Variants in ELL observed in about 807,000 individuals in gnomAD.
ELL encodes elongation factor for RNA polymerase II, also known as RNA polymerase II elongation factor ELL.
In ELL, 18 loss-of-function variants were observed where a neutral mutation model predicts 64.0. The observed-to-expected ratio is 0.28, with a 90% CI of 0.19 to 0.42. The LOEUF (loss-of-function observed/expected upper bound fraction) is 0.42. ELL is among the 10% of genes least tolerant of loss of function. ELL has a pLI of 1.00. For synonymous variants in ELL, 399 were observed against 376.2 expected, an observed-to-expected ratio of 1.06 and a Z score of -0.70; for missense variants, 797 against 870.4, an observed-to-expected ratio of 0.92 and a Z score of 1.06.
chr19:18,507,794 A>G (rs544475736), intron 1 of ELL, among the ~76,000 whole-genome samples: 4 of 152,332 alleles, frequency 2.6e-5, no homozygotes, highest in African/African-American at 7.2e-5. Context: ...GCTGAGGCTC[A>G]GCTCAGAGAC....
chr19:18,472,600 G>A, intron 2 of ELL: 2 of 531,382 alleles, frequency 3.8e-6, no homozygotes, highest in Non-Finnish European at 6.6e-6. Flanking sequence ...CATGAAGGGA[G>A]CCACTGGGAG....
At chr19:18,461,964 GCAC>G in intron 4 of ELL, 112 bp from the exon 5 acceptor site, 8 of 1,356,002 alleles carry the variant, frequency 5.9e-6, no homozygotes, top group Non-Finnish European at 7.0e-6. Context: ...CTGGTGGGAG[GCAC>G]CACACCAACC....
At chr19:18,471,945 C>T (rs545403199) in intron 2 of ELL, among the ~76,000 whole-genome samples, 114 of 152,124 alleles carry the variant, frequency 7.5e-4, no homozygotes, top group South Asian at 7.5e-3. Flanking sequence ...CGACTAGTTT[C>T]GTGGAAGACA....
At chr19:18,472,474 G>A in intron 2 of ELL, 1 of 276,588 alleles carries the variant, frequency 3.6e-6, no homozygotes, top group East Asian at 6.7e-5. Context: ...AGCTCAGGTG[G>A]TCGTGCTCAC....
At chr19:18,461,305 GCAGA>G (rs1293524062) in intron 5 of ELL, among the ~76,000 whole-genome samples, 2 of 152,230 alleles carry the variant, frequency 1.3e-5, no homozygotes, top group African/African-American at 4.8e-5. Flanking sequence ...CCGTGTGTCA[GCAGA>G]CAGTGAAGGA....
intron 1 of ELL, among the ~76,000 whole-genome samples, chr19:18,476,961 T>C (rs1206715026): frequency 6.6e-6 from 1 of 152,042 alleles, no homozygotes; most frequent in African/African-American, 2.4e-5. Context: ...AAGAACGCCA[T>C]GTGGTATCTA....
intron 1 of ELL, among the ~76,000 whole-genome samples, chr19:18,519,430 C>T (rs906147841): frequency 1.3e-5 from 2 of 152,114 alleles, no homozygotes; most frequent in African/African-American, 4.8e-5. Flanking sequence ...AGCTCACTAC[C>T]CAAAACCACA....
intron 1 of ELL, among the ~76,000 whole-genome samples, chr19:18,494,509 G>C (rs1054472060): frequency 3.3e-5 from 5 of 151,912 alleles, no homozygotes; most frequent in African/African-American, 7.3e-5. Flanking sequence ...TTCTGTCACA[G>C]CCTCCCAAGT....
rs892913500 is a variant in ELL at position 18,445,436 on chromosome 19, G to A, written c.1705-168C>T. ...CCCACAGCGGCTGTAGCTCCGGAGT[G>A]GGTGGGGCATGAGGGAAAGGCTGCC... On this transcript the variant is annotated intron_variant, in intron 10 of 11. Transcript: ENST00000262809. The A allele has an allele frequency of 1.6e-5, 11 of 707,310 alleles. No homozygotes were observed. In the African/African-American group the frequency reaches 1.8e-4, roughly 11 times the overall value. 43.8% of individuals were successfully genotyped at this position (707,310 alleles called of 1,614,324 possible).
chr19:18,506,884 G>A (rs866755293), intron 1 of ELL, among the ~76,000 whole-genome samples: 3 of 152,106 alleles, frequency 2.0e-5, no homozygotes, highest in Admixed American at 1.3e-4. Flanking sequence ...TACGCTCTAC[G>A]CCAGACATCG....
chr19:18,519,664 G>A (rs990556768), intron 1 of ELL, among the ~76,000 whole-genome samples: 19 of 152,160 alleles, frequency 1.2e-4, no homozygotes, highest in Middle Eastern at 6.8e-3. Flanking sequence ...AAAATTAGCC[G>A]GGTGTGGTGG....
At chr19:18,489,686 C>A (rs1975486599) in intron 1 of ELL, among the ~76,000 whole-genome samples, 1 of 152,186 alleles carries the variant, frequency 6.6e-6, no homozygotes, top group African/African-American at 2.4e-5. Context: ...CTGTGTGACC[C>A]CTGTGCCTAC....
intron 1 of ELL, among the ~76,000 whole-genome samples, chr19:18,477,879 C>A (rs1356915844): frequency 6.6e-6 from 1 of 152,110 alleles, no homozygotes; most frequent in Admixed American, 6.5e-5. Context: ...TGCAAAAGAT[C>A]ATTCAAGGCA....
intron 1 of ELL, among the ~76,000 whole-genome samples, chr19:18,514,795 G>A (rs915039934): frequency 6.6e-6 from 1 of 152,184 alleles, no homozygotes; most frequent in Non-Finnish European, 1.5e-5. Flanking sequence ...CCCAAAATGT[G>A]CAGTATCAAT....
intron 5 of ELL, among the ~76,000 whole-genome samples, chr19:18,460,825 C>T (rs1023632912): frequency 6.6e-6 from 1 of 152,208 alleles, no homozygotes; most frequent in Non-Finnish European, 1.5e-5. Context: ...CTTCCTCCAC[C>T]ACAGCAGCGA....
intron 2 of ELL, among the ~76,000 whole-genome samples, chr19:18,466,932 C>T (rs577291062): frequency 2.0e-5 from 3 of 152,326 alleles, no homozygotes; most frequent in Non-Finnish European, 2.9e-5. Flanking sequence ...CCTGCCCCCT[C>T]GCCCCTGCTG....
At chr19:18,453,080 T>C (rs1368295245) in intron 6 of ELL, among the ~76,000 whole-genome samples, 1 of 152,216 alleles carries the variant, frequency 6.6e-6, no homozygotes, top group Admixed American at 6.5e-5. Context: ...GGGACCAGTC[T>C]GGCCAACATG....
chr19:18,511,612 GC>G (rs1976025019), intron 1 of ELL, among the ~76,000 whole-genome samples: 1 of 152,132 alleles, frequency 6.6e-6, no homozygotes, highest in Admixed American at 6.6e-5. Flanking sequence ...CCTGCCCACT[GC>G]CCACCACCCA....
In ELL at chr19:18,484,569, G is replaced by A. The variant is rs992768080; in HGVS notation, c.136-11687C>T. On this transcript the variant is annotated intron_variant, in intron 1 of 11. Coordinates refer to ENST00000262809, the MANE Select transcript of ELL (RefSeq NM_006532.4). ...GCAGAAGGATCACCTAAGCACAGGC[G>A]ATCGAGGCTGCAGTGAGCCATGGTT... 9.8e-5 allele frequency among the ~76,000 whole-genome samples: 15 copies of A among 152,334 alleles called. No individual in the cohort carries two copies. The South Asian group carries it at 1.9e-3, about 19-fold the overall frequency.
Sources: gnomAD v4.1 joint callset for allele counts (sites outside exome capture counted in the v4.1 genomes callset) on GRCh38, gnomAD v4.1.1 for gene constraint, MANE v1.5 for transcripts, NCBI Gene and HGNC (gene_info 2026-07-23, HGNC 2026-07-21) for gene names.